The following MSRA variants were observed in gnomAD, a reference collection of about 807,000 sequenced individuals.
MSRA encodes mitochondrial peptide methionine sulfoxide reductase.
Under a neutral mutation model 31.3 loss-of-function variants are expected in MSRA, and 54 were observed. The ratio of observed to expected loss-of-function variants is 1.73; its 90% CI spans 1.39 to 2.17. The LOEUF is 2.17. MSRA is among the 30% of genes most tolerant of loss of function. The pLI is 0.00. For synonymous variants in MSRA, 169 were observed against 116.5 expected (o/e 1.45, Z -2.90); for missense variants, 507 against 300.9 (o/e 1.69, Z -5.07).
intron 3 of MSRA, among the ~76,000 whole-genome samples, chr8:10,274,487 C>T (rs112908219): frequency 0.019 from 2,919 of 152,164 alleles, 45 homozygotes; most frequent in Middle Eastern, 0.034. Flanking sequence ...AGTCATTTTG[C>T]GGAAGTTCAG....
intron 2 of MSRA, among the ~76,000 whole-genome samples, chr8:10,230,816 C>G (rs1177675802): frequency 6.6e-6 from 1 of 152,110 alleles, no homozygotes; most frequent in African/African-American, 2.4e-5. Flanking sequence ...TGGAGTTTTG[C>G]TCTCGTTGCC....
intron 4 of MSRA, among the ~76,000 whole-genome samples, chr8:10,313,481 CAAAA>C (rs1383979208): frequency 5.5e-4 from 81 of 147,994 alleles, no homozygotes; most frequent in African/African-American, 1.9e-3. Flanking sequence ...AAAAAAAAAA[CAAAA>C]AACAAACAAA....
At chr8:10,399,010 A>C (rs761643333) in intron 5 of MSRA, among the ~76,000 whole-genome samples, 55 of 152,238 alleles carry the variant, frequency 3.6e-4, no homozygotes, top group Non-Finnish European at 7.3e-4. Flanking sequence ...GGTTCGGCTC[A>C]GCAAATCTGC....
At chr8:10,225,551 C>T (rs745333580) in intron 2 of MSRA, among the ~76,000 whole-genome samples, 1 of 152,056 alleles carries the variant, frequency 6.6e-6, no homozygotes, top group South Asian at 2.1e-4. Flanking sequence ...CCCAGAGTTG[C>T]GGAAGAACTA....
intron 5 of MSRA, among the ~76,000 whole-genome samples, chr8:10,335,228 A>G (rs1171800720): frequency 1.7e-5 from 2 of 114,684 alleles, no homozygotes; most frequent in African/African-American, 3.5e-5. Flanking sequence ...CTTTTCCTTC[A>G]CCCTTAACAC....
intron 3 of MSRA, among the ~76,000 whole-genome samples, chr8:10,290,219 G>A (rs1056814012): frequency 3.3e-5 from 5 of 152,206 alleles, no homozygotes; most frequent in Non-Finnish European, 5.9e-5. Flanking sequence ...CAGGTCCCAA[G>A]AAGCACTGCC....
chr8:10,418,475 G>A (rs2129193412), intron 5 of MSRA, among the ~76,000 whole-genome samples: 1 of 152,192 alleles, frequency 6.6e-6, no homozygotes, highest in South Asian at 2.1e-4. Flanking sequence ...GACTCTGGAG[G>A]GGCAGCTCAG....
intron 1 of MSRA, among the ~76,000 whole-genome samples, chr8:10,091,285 A>T (rs934445071): frequency 6.6e-6 from 1 of 152,204 alleles, no homozygotes; most frequent in African/African-American, 2.4e-5. Context: ...AAGTGACAAA[A>T]ATTGTATTTA....
intron 5 of MSRA, among the ~76,000 whole-genome samples, chr8:10,344,720 T>G (rs755393950): frequency 8.6e-5 from 13 of 152,010 alleles, no homozygotes; most frequent in Non-Finnish European, 1.6e-4. Flanking sequence ...TGATCTCAGG[T>G]TTGCATGTCA....
At chr8:10,324,754 G>A (rs1802265063) in intron 5 of MSRA, among the ~76,000 whole-genome samples, 1 of 152,158 alleles carries the variant, frequency 6.6e-6, no homozygotes, top group Admixed American at 6.5e-5. Flanking sequence ...GAGAGACTGG[G>A]GAGGAAAAGA....
intron 2 of MSRA, among the ~76,000 whole-genome samples, chr8:10,242,026 C>G (rs1353444267): frequency 6.6e-6 from 1 of 152,112 alleles, no homozygotes; most frequent in Non-Finnish European, 1.5e-5. Context: ...AATCCCAGCA[C>G]TTTGGGAGGC....
At chr8:10,342,059 C>T (rs1803461069) in intron 5 of MSRA, among the ~76,000 whole-genome samples, 1 of 152,162 alleles carries the variant, frequency 6.6e-6, no homozygotes, top group Non-Finnish European at 1.5e-5. Context: ...GCCGTCTAAG[C>T]TGTGTGTGTC....
intron 3 of MSRA, among the ~76,000 whole-genome samples, chr8:10,267,276 C>T (rs759242662): frequency 6.6e-6 from 1 of 152,180 alleles, no homozygotes; most frequent in Non-Finnish European, 1.5e-5. Context: ...CTCTGCCGTT[C>T]ATGACAACAG....
At chr8:10,079,879 T>A (rs1026358236) in intron 1 of MSRA, among the ~76,000 whole-genome samples, 11 of 152,176 alleles carry the variant, frequency 7.2e-5, no homozygotes, top group African/African-American at 2.7e-4. Flanking sequence ...TTACCTAACT[T>A]CTCTGTTCAT....
intron 3 of MSRA, among the ~76,000 whole-genome samples, chr8:10,262,869 T>C (rs913924892): frequency 2.0e-5 from 3 of 152,250 alleles, no homozygotes; most frequent in Admixed American, 6.5e-5. Context: ...CTTGCTTCTA[T>C]TGACCTTGTT....
At chr8:10,275,198 A>G (rs1339690571) in intron 3 of MSRA, among the ~76,000 whole-genome samples, 5 of 152,336 alleles carry the variant, frequency 3.3e-5, no homozygotes, top group East Asian at 3.9e-4. Context: ...ATAAAACCAC[A>G]TATGACCAAA....
Position 10,177,709 on chromosome 8 carries a change from C to T in MSRA, c.143-30124C>T, listed in dbSNP as rs1049560373. Among the ~76,000 whole-genome samples, 4 of 152,134 alleles carry T rather than the reference C, an allele frequency of 2.6e-5. No individual in the cohort carries two copies. The South Asian group carries it at 6.2e-4, about 24-fold the overall frequency. ...CAGCTTACATCTGGTTATTTGTTGG[C>T]GTTTTATTTATTGGCAAGCTTTTTC... On this transcript the variant is annotated intron_variant, in intron 1 of 5. Coordinates refer to ENST00000317173, the MANE Select transcript of MSRA (RefSeq NM_012331.5).
chr8:10,100,036 G>C (rs1326090644), intron 1 of MSRA, among the ~76,000 whole-genome samples: 1 of 152,210 alleles, frequency 6.6e-6, no homozygotes, highest in Non-Finnish European at 1.5e-5. Context: ...GCAGAGTTGA[G>C]GGCGCTGCCC....
intron 2 of MSRA, among the ~76,000 whole-genome samples, chr8:10,243,070 T>A (rs992854059): frequency 6.6e-6 from 1 of 152,172 alleles, no homozygotes; most frequent in Non-Finnish European, 1.5e-5. Context: ...ACATTTTAAG[T>A]TTTAAAAACC....
Sources: allele counts gnomAD v4.1 joint callset (sites outside exome capture counted in the v4.1 genomes callset), GRCh38; gene constraint gnomAD v4.1.1; transcripts MANE v1.5; gene names NCBI Gene and HGNC (gene_info 2026-07-23, HGNC 2026-07-21).